The following STX17 variants were observed in gnomAD, a reference collection of about 807,000 sequenced individuals.
STX17 encodes syntaxin 17.
In STX17, 29 loss-of-function variants were observed where a neutral mutation model predicts 35.9. The ratio of observed to expected loss-of-function variants is 0.81; its 90% CI spans 0.60 to 1.10. The LOEUF is 1.10. STX17 is among the 50% of genes least tolerant of loss of function. The pLI is 0.00. For missense variants in STX17, 312 were observed against 352.3 expected (o/e 0.89, Z 0.92); for synonymous variants, 92 against 118.3 (o/e 0.78, Z 1.44).
intron 3 of STX17, among the ~76,000 whole-genome samples, chr9:99,932,153 A>C (rs1334459863): frequency 6.6e-6 from 1 of 152,168 alleles, no homozygotes; most frequent in Non-Finnish European, 1.5e-5. Context: ...TTAGCCCTGT[A>C]CCTGGTGTTT....
In STX17 at chr9:99,915,332, G is replaced by C; in HGVS notation, c.93G>C (p.Arg31Ser). The change falls in exon 2 of 8, where the codon AGG becomes AGC. Residue 31 changes from arginine (R) to serine (S), a missense_variant. Arg to Ser is a moderately radical substitution (Grantham distance 110). Coordinates refer to ENST00000259400, the MANE Select transcript of STX17 (RefSeq NM_017919.3). The stretch of plus-strand genomic sequence containing the variant: ...TAGTAATCCCAACAGACCTGGAAAG[G>C]TTAAGAAAGCACCAGATAAATATTG... Reference protein sequence around the residue: ...IKIVIPTDLERLRKHQINIEK... With the variant: ...IKIVIPTDLESLRKHQINIEK... The C allele has an allele frequency of 6.2e-7, 1 of 1,610,028 alleles. No homozygotes were observed. The highest frequency in any genetic ancestry group is 8.5e-7 in the Non-Finnish European group (1 of 1,178,390).
chr9:99,968,495 G>C lies in STX17; in HGVS notation c.731G>C (p.Gly244Ala), dbSNP rs745588076. The change falls in exon 8 of 8, where the codon GGG (glycine) becomes GCG (alanine). Residue 244 changes from glycine (G) to alanine (A), a missense_variant. Physicochemically the swap from Gly to Ala is moderately conservative, Grantham distance 60. Coordinates refer to ENST00000259400, the MANE Select transcript of STX17 (RefSeq NM_017919.3). ...GGTGCACTCATCGGGGGAATGGTAG[G>C]GGGTCCTATTGGCCTCCTTGCAGGC... ...VAGALIGGMV[G>A]GPIGLLAGFK... 9 of 1,611,198 alleles carry C rather than the reference G, an allele frequency of 5.6e-6. No individual in the cohort carries two copies. The Admixed American group carries it at 8.4e-5, about 15-fold the overall frequency.
At chr9:99,907,213 A>C (rs1410743372) in intron 1 of STX17, 1 of 152,274 alleles carries the variant, frequency 6.6e-6, no homozygotes, top group African/African-American at 2.4e-5. Flanking sequence ...GGTGGTTGGC[A>C]GAAGGTCCCA....
rs1830041561 is a variant in STX17 at position 99,972,850 on chromosome 9, G to T, written c.*4177G>T. ...AGGATGAGGAAAAGCCTGGGGGGAG[G>T]TTCTCCTCGGAAATGAGGTGGTTTT... On this transcript the variant is annotated 3_prime_UTR_variant, in exon 8 of 8. Coordinates refer to ENST00000259400, the MANE Select transcript of STX17 (RefSeq NM_017919.3). Among the ~76,000 whole-genome samples the T allele has an allele frequency of 6.6e-6, 1 of 152,134 alleles. No homozygotes were observed. Among genetic ancestry groups the T allele is most frequent in the Non-Finnish European group, 1.5e-5 (1 of 68,022 alleles).
Position 99,960,168 on chromosome 9 carries a change from CTG to C in STX17, c.582+15_582+16del, listed in dbSNP as rs1243699651. 2 of 1,612,378 alleles carry C rather than the reference CTG, an allele frequency of 1.2e-6. No individual in the cohort carries two copies. The highest frequency in any genetic ancestry group is 1.3e-5 in the African/African-American group (1 of 74,956). On this transcript the variant is annotated intron_variant, in intron 6 of 7. Coordinates refer to ENST00000259400, the MANE Select transcript of STX17 (RefSeq NM_017919.3). ...TCTCCTAGTGAATGTAAGTATATAA[CTG>C]TTTTGGATGCAGAATTGTTGGATTA... is the stretch of plus-strand genomic sequence containing the variant.
intron 3 of STX17, among the ~76,000 whole-genome samples, chr9:99,949,277 A>G (rs895940906): frequency 1.3e-5 from 2 of 152,122 alleles, no homozygotes; most frequent in Admixed American, 6.6e-5. Flanking sequence ...AGATAAGGTT[A>G]CAGGAAGTAT....
chr9:99,937,489 C>A (rs925726539), intron 3 of STX17, among the ~76,000 whole-genome samples: 1 of 152,034 alleles, frequency 6.6e-6, no homozygotes, highest in South Asian at 2.1e-4. Flanking sequence ...TATTGCCATG[C>A]CTTTATGTTT....
chr9:99,947,146 TG>T (rs1042577802), intron 3 of STX17, among the ~76,000 whole-genome samples: 5 of 152,140 alleles, frequency 3.3e-5, no homozygotes. Context: ...TTACTTTCCT[TG>T]TTTCTTTTTT....
intron 3 of STX17, among the ~76,000 whole-genome samples, chr9:99,931,334 G>C (rs1175550159): frequency 6.6e-6 from 1 of 151,738 alleles, no homozygotes; most frequent in Non-Finnish European, 1.5e-5. Flanking sequence ...TTCCCTCTTT[G>C]GGAGCTTTTG....
intron 2 of STX17, among the ~76,000 whole-genome samples, chr9:99,916,362 C>T (rs1047907309): frequency 6.6e-6 from 1 of 152,048 alleles, no homozygotes; most frequent in Non-Finnish European, 1.5e-5. Context: ...AGACTTTTCC[C>T]AGCATAAGTC....
chr9:99,952,071 C>A (rs1391924642), intron 4 of STX17, among the ~76,000 whole-genome samples: 1 of 151,798 alleles, frequency 6.6e-6, no homozygotes, highest in Non-Finnish European at 1.5e-5. Context: ...TTTTTTGTTT[C>A]AGTGTTTCTC....
chr9:99,908,835 A>C (rs546735697), intron 1 of STX17, among the ~76,000 whole-genome samples: 30 of 152,334 alleles, frequency 2.0e-4, no homozygotes, highest in African/African-American at 7.0e-4. Flanking sequence ...ACACCAGTCT[A>C]TACATATGCA....
At chr9:99,966,805 C>T (rs1829920755) in intron 6 of STX17, among the ~76,000 whole-genome samples, 1 of 152,130 alleles carries the variant, frequency 6.6e-6, no homozygotes, top group Non-Finnish European at 1.5e-5. Flanking sequence ...GAATGTGTTC[C>T]TACAGCAAGT....
intron 2 of STX17, among the ~76,000 whole-genome samples, chr9:99,927,484 TA>T (rs1434708788): frequency 6.6e-6 from 1 of 152,144 alleles, no homozygotes; most frequent in Non-Finnish European, 1.5e-5. Context: ...TTTATTTATT[TA>T]TTTTTTGAGA....
chr9:99,941,770 A>G (rs1829367811), intron 3 of STX17, among the ~76,000 whole-genome samples: 1 of 152,210 alleles, frequency 6.6e-6, no homozygotes, highest in Admixed American at 6.5e-5. Context: ...GAATTAAACA[A>G]GATATCTTTT....
At chr9:99,938,684 G>A (rs1306090841) in intron 3 of STX17, among the ~76,000 whole-genome samples, 1 of 151,950 alleles carries the variant, frequency 6.6e-6, no homozygotes, top group African/African-American at 2.4e-5. Flanking sequence ...CTGCTTGGGA[G>A]GCTGAGGTGG....
chr9:99,918,252 C>T (rs1022376830), intron 2 of STX17, among the ~76,000 whole-genome samples: 1 of 152,138 alleles, frequency 6.6e-6, no homozygotes, highest in African/African-American at 2.4e-5. Flanking sequence ...GTCTCAGCTT[C>T]CTGAATAGCT....
intron 3 of STX17, among the ~76,000 whole-genome samples, chr9:99,941,159 C>T (rs1253593644): frequency 6.6e-6 from 1 of 152,204 alleles, no homozygotes; most frequent in Non-Finnish European, 1.5e-5. Context: ...TGGACCACTA[C>T]TTTGCCACTT....
At chr9:99,959,558 G>A (rs1829786461) in intron 4 of STX17, among the ~76,000 whole-genome samples, 1 of 148,720 alleles carries the variant, frequency 6.7e-6, no homozygotes, top group Non-Finnish European at 1.5e-5. Flanking sequence ...CTCCCAGGCT[G>A]AAGTGATCCC....
Sources: allele counts gnomAD v4.1 joint callset (sites outside exome capture counted in the v4.1 genomes callset), GRCh38; gene constraint gnomAD v4.1.1; transcripts MANE v1.5; gene names NCBI Gene and HGNC (gene_info 2026-07-23, HGNC 2026-07-21).